USP8: variants seen among roughly 807,000 people sequenced by gnomAD.
USP8 encodes ubiquitin specific peptidase 8.
USP8 carries 27 observed loss-of-function variants against 130.0 expected under a neutral mutation model. The ratio of observed to expected loss-of-function variants is 0.21; its 90% CI spans 0.15 to 0.29. The LOEUF is 0.29. Ranked by LOEUF, USP8 falls within the 10% of genes least tolerant of loss-of-function variation. The probability of loss-of-function intolerance (pLI) is 1.00; values close to 1 mark genes in which losing one functional copy is unlikely to be tolerated. For missense variants in USP8, 1,029 were observed against 1,312.2 expected (o/e 0.78, Z 3.33); for synonymous variants, 392 against 444.1 (o/e 0.88, Z 1.48).
At position 50,505,252 on chromosome 15, in the gene USP8, C is replaced by G. The variant is rs1034558020; in HGVS notation, c.*6164C>G. On this transcript the variant is annotated 3_prime_UTR_variant, in exon 20 of 20. Coordinates refer to ENST00000307179, the MANE Select transcript of USP8 (RefSeq NM_005154.5). ...AAATAAAAATAATACTGCAGAACAA[C>G]AGAGACAAAGAGAAAAAGCTTAAAA... 6.6e-6 allele frequency: 1 copy of G among 151,922 alleles called. No homozygotes were observed. The highest frequency in any genetic ancestry group is 2.4e-5 in the African/African-American group (1 of 41,364). 9.4% of individuals were successfully genotyped at this position (151,922 alleles called of 1,614,324 possible).
In USP8 at chr15:50,510,952, G is replaced by A. The variant is rs2052730219; in HGVS notation, c.*11864G>A. 6.6e-6 allele frequency: 1 copy of A among 151,950 alleles called. No homozygotes were observed. The highest frequency in any genetic ancestry group is 6.6e-5 in the Admixed American group (1 of 15,242). 9.4% of individuals were successfully genotyped at this position (151,950 alleles called of 1,614,324 possible). A position where few individuals can be genotyped will look rare whatever the true frequency, so the allele number is the denominator to read the frequency against. On this transcript the variant is annotated 3_prime_UTR_variant, in exon 20 of 20. Transcript: ENST00000307179. Reference sequence around the variant, plus strand: ...CCACCATGCCCGGCTAATTTTTTTTGTATTTTTAGTAGAGACGGGGTTTCA... The same window carrying A: ...CCACCATGCCCGGCTAATTTTTTTTATATTTTTAGTAGAGACGGGGTTTCA...
intron 3 of USP8, among the ~76,000 whole-genome samples, chr15:50,443,724 C>T (rs974691603): frequency 2.6e-5 from 4 of 151,956 alleles, no homozygotes; most frequent in Non-Finnish European, 4.4e-5. Context: ...CCTCATGATC[C>T]GCCTGCCTCT....
At position 50,508,514 on chromosome 15, in the gene USP8, T is replaced by C. The variant is rs1021232230; in HGVS notation, c.*9426T>C. 1 of 152,194 alleles carries C rather than the reference T, an allele frequency of 6.6e-6. No homozygotes were observed. The highest frequency in any genetic ancestry group is 2.4e-5 in the African/African-American group (1 of 41,440). The allele number at this position is 152,194 out of a possible 1,614,324, so 9.4% of individuals were successfully genotyped here. ...AGACATTTGTAGTTTTAAATACTTA[T>C]ATCTTAAAGGATAGACTGAGTGTTA... On this transcript the variant is annotated 3_prime_UTR_variant, in exon 20 of 20. Transcript: ENST00000307179.
intron 7 of USP8, among the ~76,000 whole-genome samples, chr15:50,468,136 A>G (rs1210215337): frequency 2.7e-5 from 4 of 150,594 alleles, no homozygotes; most frequent in African/African-American, 9.8e-5. Flanking sequence ...GGGTTTCACC[A>G]TGTTGGCCAG....
intron 15 of USP8, 36 bp from the exon 16 acceptor site, chr15:50,494,034 C>T (rs1370824429): frequency 1.3e-6 from 2 of 1,589,104 alleles, no homozygotes; most frequent in Non-Finnish European, 1.7e-6. Context: ...TTTAAATTTC[C>T]TTTATTGTCT....
At chr15:50,426,460 G>T (rs143845980) in intron 1 of USP8, among the ~76,000 whole-genome samples, 22 of 152,274 alleles carry the variant, frequency 1.4e-4, no homozygotes, top group African/African-American at 5.1e-4. Flanking sequence ...GGCCTGCCTG[G>T]ACTTAGCTAA....
intron 3 of USP8, among the ~76,000 whole-genome samples, chr15:50,443,609 G>A (rs1259442944): frequency 3.3e-5 from 5 of 151,906 alleles, no homozygotes; most frequent in African/African-American, 7.3e-5. Context: ...TCAGCCTCCC[G>A]AGTAGCTGGG....
At chr15:50,442,713 C>G (rs949784672) in intron 3 of USP8, among the ~76,000 whole-genome samples, 1 of 152,284 alleles carries the variant, frequency 6.6e-6, no homozygotes, top group African/African-American at 2.4e-5. Context: ...CCACTGCACT[C>G]CAGCTCCAGC....
intron 15 of USP8, chr15:50,493,811 C>G: frequency 1.6e-5 from 10 of 610,442 alleles, no homozygotes; most frequent in South Asian, 1.5e-4. Flanking sequence ...TGCCAGAAGG[C>G]AGAACCTCGC....
chr15:50,488,175 AT>A (rs1555391321), intron 12 of USP8, among the ~76,000 whole-genome samples: 1 of 152,048 alleles, frequency 6.6e-6, no homozygotes, highest in Non-Finnish European at 1.5e-5. Context: ...TCTAAGGAAC[AT>A]TTTTTCTGAC....
chr15:50,427,557 A>C (rs11855465), intron 1 of USP8, among the ~76,000 whole-genome samples: 4,568 of 133,272 alleles, frequency 0.034, 128 homozygotes, highest in East Asian at 0.14. Flanking sequence ...TAGCCGTACT[A>C]ATTTTTTTTT....
intron 4 of USP8, among the ~76,000 whole-genome samples, chr15:50,451,746 A>T (rs2050635316): frequency 6.6e-6 from 1 of 152,144 alleles, no homozygotes; most frequent in Admixed American, 6.5e-5. Context: ...GTCCTGTCCT[A>T]ATTCTGTAAT....
intron 6 of USP8, chr15:50,463,517 A>T (rs1339393582): frequency 6.6e-6 from 1 of 152,246 alleles, no homozygotes; most frequent in Non-Finnish European, 1.5e-5. Context: ...TACTTAAAAT[A>T]TTGCCATACA....
intron 7 of USP8, among the ~76,000 whole-genome samples, chr15:50,467,268 A>G (rs2051225068): frequency 6.6e-6 from 1 of 152,154 alleles, no homozygotes; most frequent in African/African-American, 2.4e-5. Context: ...GTTATTACTG[A>G]GTTTACATGG....
chr15:50,471,934 T>TC (rs1170437229), intron 8 of USP8, 139 bp downstream of exon 8: 1 of 944,524 alleles, frequency 1.1e-6, no homozygotes, highest in African/African-American at 1.7e-5. Context: ...TGAGTCTCAC[T>TC]CTGTTGCCCA....
Position 50,507,451 on chromosome 15 carries a change from T to C in USP8, c.*8363T>C, listed in dbSNP as rs1331236911. On this transcript the variant is annotated 3_prime_UTR_variant, in exon 20 of 20. Coordinates refer to ENST00000307179, the MANE Select transcript of USP8 (RefSeq NM_005154.5). ...ATGCTCAACTTGTCGTAGGTAGATA[T>C]GACCAAGAGAAAGCTGAAGTAGCTA... 2.0e-5 allele frequency: 3 copies of C among 152,190 alleles called. No homozygotes were observed. Among genetic ancestry groups the C allele is most frequent in the African/African-American group, 7.2e-5 (3 of 41,438 alleles). 9.4% of individuals were successfully genotyped at this position (152,190 alleles called of 1,614,324 possible).
intron 4 of USP8, among the ~76,000 whole-genome samples, chr15:50,456,198 T>C (rs2050783150): frequency 6.6e-6 from 1 of 152,206 alleles, no homozygotes; most frequent in Non-Finnish European, 1.5e-5. Flanking sequence ...AGTGTCGTGA[T>C]CACCATGTTC....
In USP8 at chr15:50,430,922, A is replaced by C. The variant is rs1481218508; in HGVS notation, c.-66+6408A>C. Among the ~76,000 whole-genome samples, 8 of 152,270 alleles carry C rather than the reference A, an allele frequency of 5.3e-5. No homozygotes were observed. The East Asian group carries it at 1.5e-3, about 29-fold the overall frequency. ...GACTGTAGACAGTTTTGGTTGTTAC[A>C]ACTGGAAGGGAAGGATGATAGTAAA... On this transcript the variant is annotated intron_variant, in intron 1 of 19. Transcript: ENST00000307179.
Position 50,488,173 on chromosome 15 carries a change from A to T in USP8, c.1891-1628A>T, listed in dbSNP as rs144280580. Among the ~76,000 whole-genome samples, 32 of 152,260 alleles carry T rather than the reference A, an allele frequency of 2.1e-4. 1 individual carries two copies. The East Asian group carries it at 6.0e-3, about 28-fold the overall frequency. On this transcript the variant is annotated intron_variant, in intron 12 of 19. Coordinates refer to ENST00000307179, the MANE Select transcript of USP8 (RefSeq NM_005154.5). ...GTGCTGTTGGTATTGTATCTAAGGA[A>T]CATTTTTTCTGACCCAAAGTCCTAA...
Sources: allele counts gnomAD v4.1 joint callset (sites outside exome capture counted in the v4.1 genomes callset), GRCh38; gene constraint gnomAD v4.1.1; transcripts MANE v1.5; gene names NCBI Gene and HGNC (gene_info 2026-07-23, HGNC 2026-07-21).